MCUB: variants seen among roughly 807,000 people sequenced by gnomAD.
MCUB encodes the protein calcium uniporter regulatory subunit MCUb, mitochondrial.
A neutral mutation model predicts 41.4 loss-of-function variants in MCUB; 46 were observed. The ratio of observed to expected loss-of-function variants is 1.11; its 90% CI spans 0.88 to 1.42. MCUB has a LOEUF of 1.42. Among genes scored for constraint, MCUB ranks in the 40% most tolerant of loss-of-function variants. MCUB has a pLI of 0.00. For missense variants in MCUB, 403 were observed against 404.9 expected (o/e 1.00, Z 0.04); for synonymous variants, 148 against 148.2 (o/e 1.00, Z 0.01).
At chr4:109,586,273 G>A (rs1034429144) in intron 1 of MCUB, among the ~76,000 whole-genome samples, 3 of 152,126 alleles carry the variant, frequency 2.0e-5, no homozygotes, top group African/African-American at 4.8e-5. Context: ...TGTGTCACAT[G>A]GTTCTCGTGC....
chr4:109,668,237 G>T (rs1287326390), intron 4 of MCUB, among the ~76,000 whole-genome samples: 1 of 152,028 alleles, frequency 6.6e-6, no homozygotes, highest in Non-Finnish European at 1.5e-5. Context: ...GAATGTTGAA[G>T]TCTGTAACTG....
At chr4:109,595,295 G>A (rs1727528164) in intron 1 of MCUB, among the ~76,000 whole-genome samples, 1 of 152,348 alleles carries the variant, frequency 6.6e-6, no homozygotes, top group Admixed American at 6.5e-5. Flanking sequence ...AGGTAGTGCA[G>A]GGGAGAGATG....
intron 3 of MCUB, 128 bp from the exon 4 acceptor site, chr4:109,664,162 C>T (rs1481226360): frequency 4.7e-6 from 3 of 633,176 alleles, no homozygotes; most frequent in Non-Finnish European, 8.5e-6. Flanking sequence ...TTTGGGGACA[C>T]CCCCCACAAA....
At chr4:109,660,459 T>C (rs1239182057) in intron 3 of MCUB, 94 bp downstream of exon 3, 1 of 604,374 alleles carries the variant, frequency 1.7e-6, no homozygotes, top group African/African-American at 1.9e-5. Flanking sequence ...GTACATTGTT[T>C]AATTCATTAG....
chr4:109,625,129 G>A (rs1290866580), intron 1 of MCUB, among the ~76,000 whole-genome samples: 1 of 152,068 alleles, frequency 6.6e-6, no homozygotes, highest in Non-Finnish European at 1.5e-5. Flanking sequence ...GAAAGAGCAA[G>A]ACTCTGTCTC....
Position 109,687,623 on chromosome 4 carries a change from C to T in MCUB, c.*31C>T. ...CAGTTTTAAATGTCGTCAGATTTTC[C>T]ATTATGTATTGATTTTGCAACTTAG... On this transcript the variant is annotated 3_prime_UTR_variant, in exon 8 of 8. Transcript: ENST00000394650. The T allele has an allele frequency of 6.9e-7, 1 of 1,442,974 alleles. No individual in the cohort carries two copies. Among genetic ancestry groups the T allele is most frequent in the South Asian group, 1.2e-5 (1 of 84,506 alleles). 89.4% of individuals were successfully genotyped at this position (1,442,974 alleles called of 1,614,324 possible).
intron 1 of MCUB, among the ~76,000 whole-genome samples, chr4:109,646,725 T>C (rs1463416269): frequency 2.0e-5 from 3 of 152,162 alleles, no homozygotes; most frequent in Admixed American, 2.0e-4. Flanking sequence ...CTACTGGTCC[T>C]CCCTCAATTC....
chr4:109,567,131 C>CA (rs397994929), intron 1 of MCUB, among the ~76,000 whole-genome samples: 18,501 of 55,300 alleles, frequency 0.33, 3,441 homozygotes, highest in African/African-American at 0.52. Flanking sequence ...GACTCCATCT[C>CA]AAAAAAAAAA....
chr4:109,611,983 A>G (rs1050709612), intron 1 of MCUB, among the ~76,000 whole-genome samples: 21 of 152,226 alleles, frequency 1.4e-4, no homozygotes, highest in Admixed American at 1.2e-3. Flanking sequence ...AGAATAACTC[A>G]TTTAAAACAG....
chr4:109,583,188 T>C (rs1466108886), intron 1 of MCUB, among the ~76,000 whole-genome samples: 1 of 152,186 alleles, frequency 6.6e-6, no homozygotes, highest in East Asian at 1.9e-4. Context: ...ATTCTTCCTA[T>C]CCATGGGCAT....
intron 4 of MCUB, among the ~76,000 whole-genome samples, chr4:109,677,922 G>A (rs1211433589): frequency 6.7e-6 from 1 of 148,774 alleles, no homozygotes. Flanking sequence ...AGATAAACAC[G>A]TGAACAAAGG....
chr4:109,569,576 T>C (rs1319572049), intron 1 of MCUB, among the ~76,000 whole-genome samples: 5 of 148,126 alleles, frequency 3.4e-5, no homozygotes, highest in Non-Finnish European at 7.4e-5. Flanking sequence ...CGATTTTGGC[T>C]TACTGCACCC....
At chr4:109,591,644 A>G (rs191403978) in intron 1 of MCUB, among the ~76,000 whole-genome samples, 32 of 152,318 alleles carry the variant, frequency 2.1e-4, no homozygotes, top group Admixed American at 1.4e-3. Flanking sequence ...GACTACATCA[A>G]TAACTAGAGA....
chr4:109,634,485 G>GAAA (rs34174576), intron 1 of MCUB, among the ~76,000 whole-genome samples: 2 of 124,422 alleles, frequency 1.6e-5, no homozygotes, highest in Admixed American at 8.1e-5. Flanking sequence ...CTCTGTCTCA[G>GAAA]AAAAAAAAAA....
chr4:109,630,419 A>G (rs543958621), intron 1 of MCUB, among the ~76,000 whole-genome samples: 83 of 152,268 alleles, frequency 5.5e-4, no homozygotes, highest in Non-Finnish European at 7.9e-4. Context: ...CTATGATCAT[A>G]CCTCTACATT....
Position 109,662,168 on chromosome 4 carries a change from G to A in MCUB, c.346+1803G>A, listed in dbSNP as rs72674844. Among the ~76,000 whole-genome samples, 861 of 152,336 alleles carry A rather than the reference G, an allele frequency of 5.7e-3. 3 individuals are homozygous for A. Among genetic ancestry groups the A allele is most frequent in the African/African-American group, 0.018 (735 of 41,570 alleles). ...GACTATAGATTTAGCTGGAAGGGACGTTTCTTCCTGCTAAAACCTGGATCA... is the reference window on the plus strand; with the variant it reads ...GACTATAGATTTAGCTGGAAGGGACATTTCTTCCTGCTAAAACCTGGATCA... On this transcript the variant is annotated intron_variant, in intron 3 of 7. Coordinates refer to ENST00000394650, the MANE Select transcript of MCUB (RefSeq NM_017918.5).
chr4:109,640,199 A>G (rs1728684133), intron 1 of MCUB, among the ~76,000 whole-genome samples: 1 of 152,222 alleles, frequency 6.6e-6, no homozygotes, highest in African/African-American at 2.4e-5. Flanking sequence ...CATTATCGCA[A>G]GGGCGGGAGG....
chr4:109,563,044 C>T (rs988307452), intron 1 of MCUB, among the ~76,000 whole-genome samples: 2 of 152,234 alleles, frequency 1.3e-5, no homozygotes, highest in Admixed American at 6.5e-5. Context: ...CTTGTCAGCA[C>T]TCTAGCTGAG....
intron 1 of MCUB, among the ~76,000 whole-genome samples, chr4:109,621,667 C>T (rs1184452461): frequency 6.6e-6 from 1 of 152,142 alleles, no homozygotes; most frequent in Non-Finnish European, 1.5e-5. Context: ...CCTTAAGCTT[C>T]TACACTGTAA....
Sources: allele counts gnomAD v4.1 joint callset (sites outside exome capture counted in the v4.1 genomes callset), GRCh38; gene constraint gnomAD v4.1.1; transcripts MANE v1.5; gene names NCBI Gene and HGNC (gene_info 2026-07-23, HGNC 2026-07-21).